CYGB: variants seen among roughly 807,000 people sequenced by gnomAD.
CYGB encodes the protein cytoglobin.
CYGB carries 13 observed loss-of-function variants against 20.7 expected under a neutral mutation model. That is an observed-to-expected ratio of 0.63 (90% confidence interval 0.41 to 1.00). The LOEUF (loss-of-function observed/expected upper bound fraction) is 1.00. CYGB is among the 50% of genes least tolerant of loss of function. CYGB has a pLI of 0.00. For synonymous variants in CYGB, 93 were observed against 107.4 expected (o/e 0.87, Z 0.83); for missense variants, 218 against 257.2 (o/e 0.85, Z 1.04).
upstream of CYGB, chr17:76,538,284 G>C: frequency 5.1e-6 from 1 of 194,746 alleles, no homozygotes; most frequent in Non-Finnish European, 1.1e-5. Context: ...GGGGGCCGCG[G>C]CGCCACTCCC....
chr17:76,548,041 C>T (rs575695333), intron 1 of CYGB, among the ~76,000 whole-genome samples: 260 of 151,850 alleles, frequency 1.7e-3, no homozygotes, highest in Middle Eastern at 3.4e-3. Context: ...TACACATATA[C>T]GAACATTCAC....
intron 3 of CYGB, chr17:76,529,516 G>A (rs1341040295): frequency 5.1e-6 from 5 of 985,338 alleles, no homozygotes; most frequent in East Asian, 1.1e-4. Context: ...ACTGGGGCTC[G>A]CGCCCAGCCA....
At chr17:76,540,394 G>A (rs2074976663), upstream of CYGB, 16 of 1,350,394 alleles carry the variant, frequency 1.2e-5, no homozygotes, top group Non-Finnish European at 1.7e-5. This position sits in a 1 kb window ranked among gnomAD's most constrained non-coding sequence, Gnocchi z 5.0. Flanking sequence ...AGCTTCAAAG[G>A]CTCTAGTTGC....
chr17:76,537,199 C>T (rs1045864443), intron 1 of CYGB, among the ~76,000 whole-genome samples: 1 of 152,204 alleles, frequency 6.6e-6, no homozygotes, highest in African/African-American at 2.4e-5. Flanking sequence ...CTGGTGAACA[C>T]CGCGCCGGAG....
rs1031547538 is a variant in CYGB at position 76,545,194 on chromosome 17, T to A, written c.-53+5668A>T. On this transcript the variant is annotated intron_variant, in intron 1 of 3. Coordinates refer to the CYGB transcript ENST00000589145. ...CCACCCCTGGGCTCTCTGCGCAGTC[T>A]GCACATTTGCAGCTCCTGCTGCAGA... 5 of 456,662 alleles carry A rather than the reference T, an allele frequency of 1.1e-5. No individual in the cohort carries two copies. In the East Asian group the frequency reaches 3.5e-4, roughly 32 times the overall value. The allele number at this position is 456,662 out of a possible 1,614,324, so 28.3% of individuals were successfully genotyped here.
rs779925594 is a variant in CYGB at position 76,530,987 on chromosome 17, G to A, written c.531C>T (p.Asn177=). The A allele has an allele frequency of 4.1e-5, 66 of 1,604,684 alleles. No individual in the cohort carries two copies. Among genetic ancestry groups the A allele is most frequent in the Middle Eastern group, 1.7e-4 (1 of 5,994 alleles). ...CTCGCCCGCCTCCTCACGTGGTGGC[G>A]TTGGGGACCTGCTGCACCCAGCCCA... The part of the protein sequence containing the change: ...KEVGWVQQVP[N]ATTPPATLPS... The change falls in exon 3 of 4, where the codon AAC becomes AAT. Residue 177 remains asparagine, a synonymous_variant. Coordinates refer to ENST00000293230, the MANE Select transcript of CYGB (RefSeq NM_134268.5). The surrounding 1 kb of genome is among the most constrained non-coding windows in gnomAD (Gnocchi z 6.1).
At chr17:76,545,423 G>C (rs769949866) in intron 1 of CYGB, 2 of 455,408 alleles carry the variant, frequency 4.4e-6, no homozygotes, top group East Asian at 1.4e-4. Context: ...GCAAAGAGCC[G>C]CTGCTTGGGA....
upstream of CYGB, among the ~76,000 whole-genome samples, chr17:76,542,063 G>A (rs182318259): frequency 2.0e-5 from 3 of 152,294 alleles, no homozygotes; most frequent in South Asian, 4.1e-4. Flanking sequence ...TTAATCTTTG[G>A]TTAATGGTTG....
rs59245044 is a variant in CYGB, at chr17:76,546,450, T to TGTG, written c.-53+4411_-53+4412insCAC. The TGTG allele has an allele frequency of 0.23, 34,021 of 149,528 alleles. 4,085 individuals are homozygous for TGTG. Among genetic ancestry groups the TGTG allele is most frequent in the South Asian group, 0.39 (1,871 of 4,748 alleles). 9.3% of individuals were successfully genotyped at this position (149,528 alleles called of 1,614,324 possible). On this transcript the variant is annotated intron_variant, in intron 1 of 3. Coordinates refer to the CYGB transcript ENST00000589145. The surrounding 1 kb of genome is among the most constrained non-coding windows in gnomAD (Gnocchi z 4.5). ...GTGTGCGGTTGTGTGTGTGTGTGGT[T>TGTG]TGTGTGTGTGTGTGTGTGTGTGCGC...
chr17:76,527,536 GACCAAGGGGCAC>G lies in CYGB; in HGVS notation c.*1030_*1041del, dbSNP rs1210834624. ...AAACATCCTTGAAGACGACACACGTGACCAAGGGGCACACACGGGGGGCCCCCCTGGCAAGCC... is the reference window on the plus strand; with the variant it reads ...AAACATCCTTGAAGACGACACACGTGACACGGGGGGCCCCCCTGGCAAGCC... On this transcript the variant is annotated 3_prime_UTR_variant, in exon 4 of 4. Transcript: ENST00000293230. 6.8e-6 allele frequency: 3 copies of G among 441,416 alleles called. No individual in the cohort carries two copies. The highest frequency in any genetic ancestry group is 9.2e-6 in the Non-Finnish European group (2 of 216,988). 27.3% of individuals were successfully genotyped at this position (441,416 alleles called of 1,614,324 possible).
At chr17:76,541,469 A>G (rs1567911737), upstream of CYGB, among the ~76,000 whole-genome samples, 1 of 152,208 alleles carries the variant, frequency 6.6e-6, no homozygotes, top group Non-Finnish European at 1.5e-5. Context: ...GGGACCTGCC[A>G]GCAATGTGTC....
upstream of CYGB, among the ~76,000 whole-genome samples, chr17:76,541,068 G>T (rs1435931935): frequency 2.0e-5 from 3 of 152,246 alleles, no homozygotes; most frequent in Non-Finnish European, 4.4e-5. Flanking sequence ...GACCCTGCGG[G>T]CAGGACGCTG....
chr17:76,542,815 C>T (rs998065328), intron 1 of CYGB, among the ~76,000 whole-genome samples: 8 of 152,184 alleles, frequency 5.3e-5, no homozygotes, highest in Admixed American at 2.6e-4. Context: ...TGTTGTGGTC[C>T]GGGCCATGGG....
intron 3 of CYGB, chr17:76,529,046 C>A (rs1175855318): frequency 1.1e-5 from 1 of 88,016 alleles, no homozygotes; most frequent in Non-Finnish European, 1.3e-5. Flanking sequence ...GTCATTGCGC[C>A]CCCCCCCCAC....
In CYGB at chr17:76,527,441, A is replaced by AGATGAG. The variant is rs1280887032; in HGVS notation, c.*1131_*1136dup. On this transcript the variant is annotated 3_prime_UTR_variant, in exon 4 of 4. Transcript: ENST00000293230. ...AGAAAAGGAGGACGGGCGGTTGCAC[A>AGATGAG]GATGAGGATGAGGATGAAGATGAGG... The AGATGAG allele has an allele frequency of 2.2e-5, 8 of 370,258 alleles. No homozygotes were observed. The highest frequency in any genetic ancestry group is 7.3e-5 in the East Asian group (1 of 13,710). 22.9% of individuals were successfully genotyped at this position (370,258 alleles called of 1,614,324 possible).
At chr17:76,540,578 G>T, upstream of CYGB, 1 of 1,613,264 alleles carries the variant, frequency 6.2e-7, no homozygotes, top group Non-Finnish European at 8.5e-7. This position sits in a 1 kb window ranked among gnomAD's most constrained non-coding sequence, Gnocchi z 5.0. Flanking sequence ...AGGCAGGTAA[G>T]GCAGGAGTCT....
Position 76,530,932 on chromosome 17 carries a change from G to C in CYGB, c.539+47C>G, listed in dbSNP as rs2143079200. 1.3e-6 allele frequency: 2 copies of C among 1,530,318 alleles called. No homozygotes were observed. The highest frequency in any genetic ancestry group is 2.5e-5 in the South Asian group (2 of 80,910). The allele number at this position is 1,530,318 out of a possible 1,614,324, so 94.8% of individuals were successfully genotyped here. A position where few individuals can be genotyped will look rare whatever the true frequency, so the allele number is the denominator to read the frequency against. ...TATGGGAGACCTCGGGGACAGCAGAGGACATGGCGGGGAGGCTGCCCAGCC... is the reference window on the plus strand; with the variant it reads ...TATGGGAGACCTCGGGGACAGCAGACGACATGGCGGGGAGGCTGCCCAGCC... On this transcript the variant is annotated intron_variant, in intron 3 of 3. Transcript: ENST00000293230. This position sits in a 1 kb window ranked among gnomAD's most constrained non-coding sequence, Gnocchi z 6.1.
intron 1 of CYGB, chr17:76,544,525 G>A: frequency 2.2e-6 from 1 of 456,548 alleles, no homozygotes; most frequent in Non-Finnish European, 4.4e-6. Flanking sequence ...AGTAGGGCAG[G>A]CAGGAGGCAG....
intron 3 of CYGB, chr17:76,529,814 C>T: frequency 1.0e-6 from 1 of 985,324 alleles, no homozygotes; most frequent in Non-Finnish European, 1.2e-6. Flanking sequence ...TCCCAGGTCT[C>T]AGGCAGGCCA....
Sources: gnomAD v4.1 joint callset for allele counts (sites outside exome capture counted in the v4.1 genomes callset) on GRCh38, gnomAD v4.1.1 for gene constraint, Gnocchi (gnomAD v3.1) non-coding constraint, MANE v1.5 for transcripts, NCBI Gene and HGNC (gene_info 2026-07-23, HGNC 2026-07-21) for gene names.